Variants in ROBO2 observed in about 807,000 individuals in gnomAD.
ROBO2 encodes the protein roundabout homolog 2.
A neutral mutation model predicts 160.8 loss-of-function variants in ROBO2; 53 were observed. That is an observed-to-expected ratio of 0.33 (90% CI 0.26 to 0.41). ROBO2 has a LOEUF of 0.41. Ranked by LOEUF, ROBO2 falls within the 10% of genes least tolerant of loss-of-function variation. The pLI, the probability that ROBO2 is intolerant of heterozygous loss-of-function variation, is 1.00. For missense variants in ROBO2, 1,577 were observed against 1,722.4 expected, an observed-to-expected ratio of 0.92 and a Z score of 1.49; for synonymous variants, 664 against 611.7, an observed-to-expected ratio of 1.09 and a Z score of -1.26.
intron 1 of ROBO2, among the ~76,000 whole-genome samples, chr3:77,067,700 T>C (rs1207696948): frequency 6.6e-6 from 1 of 152,170 alleles, no homozygotes; most frequent in African/African-American, 2.4e-5. Context: ...TTTCTACTGA[T>C]ATATTGTCTT....
rs1390352836 is a variant in ROBO2 at position 77,329,553 on chromosome 3, A to C, written c.389-147861A>C. ...AGCTTTTTGTCAATAAGCATATTTA[A>C]AAGAAATTCCAAAACAAAGAGTTCA... On this transcript the variant is annotated intron_variant, in intron 2 of 25. Coordinates refer to ENST00000461745, the Ensembl canonical transcript of ROBO2. Among the ~76,000 whole-genome samples the C allele has an allele frequency of 2.6e-4, 39 of 152,198 alleles. 1 individual carries two copies. Among genetic ancestry groups the C allele is most frequent in the Admixed American group, 2.6e-3 (39 of 15,278 alleles).
chr3:77,060,467 T>G (rs917970702), intron 1 of ROBO2, among the ~76,000 whole-genome samples: 4 of 152,234 alleles, frequency 2.6e-5, no homozygotes, highest in African/African-American at 9.6e-5. Context: ...TCTTAACACT[T>G]GTATTTGGAT....
intron 2 of ROBO2, among the ~76,000 whole-genome samples, chr3:76,318,623 T>C (rs1466314275): frequency 6.6e-6 from 1 of 152,084 alleles, no homozygotes; most frequent in African/African-American, 2.4e-5. Context: ...ATAGTTAAGA[T>C]TGTGTCAGCG....
At chr3:76,458,049 T>C (rs2077871090) in intron 2 of ROBO2, among the ~76,000 whole-genome samples, 2 of 152,168 alleles carry the variant, frequency 1.3e-5, no homozygotes, top group Admixed American at 1.3e-4. Flanking sequence ...ATTTTCACCA[T>C]GGTCTTGAGG....
intron 2 of ROBO2, among the ~76,000 whole-genome samples, chr3:76,844,740 T>A (rs1397575491): frequency 6.6e-6 from 1 of 151,926 alleles, no homozygotes; most frequent in Non-Finnish European, 1.5e-5. Context: ...ATGATAACAC[T>A]CAATCTAGAG....
intron 2 of ROBO2, among the ~76,000 whole-genome samples, chr3:76,078,722 C>A (rs1195322878): frequency 1.5e-5 from 2 of 136,522 alleles, no homozygotes; most frequent in African/African-American, 5.5e-5. Context: ...ACTAATGTAA[C>A]ACAATATTTT....
intron 2 of ROBO2, among the ~76,000 whole-genome samples, chr3:77,233,279 A>G (rs761494564): frequency 1.3e-5 from 2 of 152,234 alleles, no homozygotes; most frequent in African/African-American, 2.4e-5. Context: ...TTTTTGGAAT[A>G]TGATTAAAAT....
chr3:76,085,360 A>C (rs1339725774), intron 2 of ROBO2, among the ~76,000 whole-genome samples: 2 of 152,138 alleles, frequency 1.3e-5, no homozygotes, highest in Non-Finnish European at 2.9e-5. Context: ...ACAAAAGCTA[A>C]TTTATCAGAT....
chr3:77,567,109 A>G (rs1192182990), intron 12 of ROBO2, among the ~76,000 whole-genome samples: 3 of 151,936 alleles, frequency 2.0e-5, no homozygotes, highest in Non-Finnish European at 4.4e-5. Flanking sequence ...GTAGAACTGG[A>G]AAAACATTAC....
chr3:77,602,661 G>GCCACCACCA lies in ROBO2; in HGVS notation c.3136+191_3136+199dup, dbSNP rs879356392. ...TTGAGTAATTCCTACCACCACCACC[G>GCCACCACCA]CCACCACCACCACCACCACCACCAC... On this transcript the variant is annotated intron_variant, in intron 20 of 25. Coordinates refer to ENST00000461745, the Ensembl canonical transcript of ROBO2. 6.7e-3 allele frequency among the ~76,000 whole-genome samples: 862 copies of GCCACCACCA among 128,312 alleles called. 9 individuals are homozygous for GCCACCACCA. The highest frequency in any genetic ancestry group is 0.023 in the African/African-American group (812 of 34,808). 84.2% of individuals were successfully genotyped at this position (128,312 alleles called of 152,430 possible).
rs141215477 is a variant in ROBO2 at position 77,079,119 on chromosome 3, G to A, written c.62-18895G>A. 9.5e-3 allele frequency among the ~76,000 whole-genome samples: 1,438 copies of A among 152,090 alleles called. 12 individuals carry two copies. Among genetic ancestry groups the A allele is most frequent in the African/African-American group, 0.03 (1,237 of 41,490 alleles). ...ACACCACCATGCCTGGCTAGTTTTT[G>A]TATTTTTAGTAGAGATGAAGTTTCA... On this transcript the variant is annotated intron_variant, in intron 1 of 25. Transcript: ENST00000461745.
intron 2 of ROBO2, among the ~76,000 whole-genome samples, chr3:77,288,663 A>G (rs866818500): frequency 1.3e-5 from 2 of 152,168 alleles, no homozygotes; most frequent in African/African-American, 4.8e-5. Flanking sequence ...CACCCAAACA[A>G]AAATGGAATC....
chr3:76,497,023 C>CT (rs1474057977), intron 2 of ROBO2, among the ~76,000 whole-genome samples: 2 of 152,186 alleles, frequency 1.3e-5, no homozygotes, highest in Non-Finnish European at 2.9e-5. Flanking sequence ...AGAAGCAAGT[C>CT]TTTAAAAGGC....
chr3:76,485,041 C>A (rs549601751), intron 2 of ROBO2, among the ~76,000 whole-genome samples: 1 of 152,080 alleles, frequency 6.6e-6, no homozygotes, highest in East Asian at 1.9e-4. Flanking sequence ...TTTTTGGTAC[C>A]AAAGACCAGT....
intron 2 of ROBO2, among the ~76,000 whole-genome samples, chr3:77,316,332 C>G (rs2063987586): frequency 6.6e-6 from 1 of 152,234 alleles, no homozygotes; most frequent in South Asian, 2.1e-4. Context: ...ATAAAAAAGT[C>G]TCATTCAGAT....
intron 2 of ROBO2, among the ~76,000 whole-genome samples, chr3:76,001,255 C>A (rs866861117): frequency 6.6e-6 from 1 of 152,166 alleles, no homozygotes; most frequent in Non-Finnish European, 1.5e-5. Flanking sequence ...ATATGATCAT[C>A]TCTTCCCGTT....
Position 76,675,043 on chromosome 3 carries a change from T to C in ROBO2, c.110-422971T>C, listed in dbSNP as rs574487706. Among the ~76,000 whole-genome samples, 19 of 152,254 alleles carry C rather than the reference T, an allele frequency of 1.2e-4. 2 individuals carry two copies. The South Asian group carries it at 3.5e-3, about 28-fold the overall frequency. ...TTAATTGTGTTTAATTTATGGAGAA[T>C]AGAAGTAGGAGAGGGCTGAAAAGCA... On this transcript the variant is annotated intron_variant, in intron 2 of 26. Coordinates refer to the ROBO2 transcript ENST00000487694.
chr3:77,021,629 C>A (rs2062644208), intron 2 of ROBO2, among the ~76,000 whole-genome samples: 2 of 152,092 alleles, frequency 1.3e-5, no homozygotes, highest in African/African-American at 4.8e-5. Context: ...TTTCAATGTC[C>A]CTTCCAAAAT....
chr3:76,278,256 A>C (rs1013882700), intron 2 of ROBO2, among the ~76,000 whole-genome samples: 1 of 152,016 alleles, frequency 6.6e-6, no homozygotes, highest in African/African-American at 2.4e-5. Context: ...TCAAGTTCCA[A>C]AAGTTTGTCA....
Sources: gnomAD v4.1 joint callset for allele counts (sites outside exome capture counted in the v4.1 genomes callset) on GRCh38, gnomAD v4.1.1 for gene constraint, MANE v1.5 for transcripts, NCBI Gene and HGNC (gene_info 2026-07-23, HGNC 2026-07-21) for gene names.